Variants in RBFOX1 observed in about 807,000 individuals in gnomAD.
RBFOX1 encodes the protein RNA binding fox-1 homolog 1.
RBFOX1 carries 8 observed loss-of-function variants against 57.7 expected under a neutral mutation model. That is an observed-to-expected ratio of 0.14 (90% confidence interval 0.08 to 0.25). The LOEUF (loss-of-function observed/expected upper bound fraction) is 0.25, where lower values mean the gene tolerates loss of function less well. RBFOX1 is among the 10% of genes least tolerant of loss of function. RBFOX1 has a pLI of 1.00. For synonymous variants in RBFOX1, 326 were observed against 222.4 expected (o/e 1.47, Z -4.15); for missense variants, 611 against 548.5 (o/e 1.11, Z -1.14).
intron 4 of RBFOX1, among the ~76,000 whole-genome samples, chr16:7,263,606 G>C (rs2095010252): frequency 6.6e-6 from 1 of 151,978 alleles, no homozygotes; most frequent in Non-Finnish European, 1.5e-5. Context: ...GGTGATAAGA[G>C]GTAGAAAGAG....
intron 4 of RBFOX1, among the ~76,000 whole-genome samples, chr16:7,102,911 A>C (rs150199554): frequency 6.6e-6 from 1 of 152,148 alleles, no homozygotes. Flanking sequence ...TATTGTGAGT[A>C]TTGGAGTTTA....
rs530530777 is a variant in RBFOX1 at position 6,636,859 on chromosome 16, A to G, written c.-63-17744A>G. Among the ~76,000 whole-genome samples the G allele has an allele frequency of 4.2e-3, 495 of 117,840 alleles. 4 individuals carry two copies. Among genetic ancestry groups the G allele is most frequent in the African/African-American group, 0.015 (445 of 30,452 alleles). 77.3% of individuals were successfully genotyped at this position (117,840 alleles called of 152,430 possible). Reference sequence around the variant, plus strand: ...ATAATATATAATATATATAATATATAATATATATTATATGTTTAATATATT... The same window carrying G: ...ATAATATATAATATATATAATATATGATATATATTATATGTTTAATATATT... On this transcript the variant is annotated intron_variant, in intron 2 of 15. Coordinates refer to ENST00000550418, the MANE Select transcript of RBFOX1 (RefSeq NM_018723.4).
At chr16:7,004,064 C>T (rs1596637115) in intron 3 of RBFOX1, 1 of 151,496 alleles carries the variant, frequency 6.6e-6, no homozygotes, top group South Asian at 2.1e-4. Context: ...GCCATACCAC[C>T]TTCTCTGTAT....
chr16:7,054,831 T>C, intron 4 of RBFOX1, among the ~76,000 whole-genome samples: 1 of 152,220 alleles, frequency 6.6e-6, no homozygotes, highest in Non-Finnish European at 1.5e-5. Flanking sequence ...CATTAGTGCA[T>C]TCTGTTGTCA....
intron 4 of RBFOX1, among the ~76,000 whole-genome samples, chr16:7,122,764 T>A (rs1236729639): frequency 6.6e-6 from 1 of 152,144 alleles, no homozygotes; most frequent in Non-Finnish European, 1.5e-5. Context: ...CATGTACATG[T>A]CTGTGTATAG....
chr16:7,080,750 A>G (rs975708715), intron 4 of RBFOX1, among the ~76,000 whole-genome samples: 4 of 152,062 alleles, frequency 2.6e-5, no homozygotes, highest in Non-Finnish European at 5.9e-5. Context: ...AACCCTCTCC[A>G]TCTCTCCTCT....
intron 4 of RBFOX1, among the ~76,000 whole-genome samples, chr16:7,200,479 A>T (rs914208768): frequency 2.6e-5 from 4 of 152,226 alleles, no homozygotes; most frequent in Non-Finnish European, 4.4e-5. Flanking sequence ...CAGACACTGC[A>T]GTAGGCACTA....
chr16:5,952,986 G>A (rs1332675235), intron 4 of RBFOX1, among the ~76,000 whole-genome samples: 2 of 152,074 alleles, frequency 1.3e-5, no homozygotes, highest in Admixed American at 6.6e-5. Context: ...ATTATCACTA[G>A]GAAACTTTTG....
chr16:7,267,902 G>C (rs139202997), intron 4 of RBFOX1, among the ~76,000 whole-genome samples: 39 of 152,278 alleles, frequency 2.6e-4, no homozygotes, highest in African/African-American at 9.1e-4. Context: ...TGTTGAGTCA[G>C]AAGCACTTCA....
At chr16:6,173,981 C>T (rs951899668) in intron 1 of RBFOX1, among the ~76,000 whole-genome samples, 7 of 152,064 alleles carry the variant, frequency 4.6e-5, no homozygotes, top group African/African-American at 7.2e-5. Context: ...ACAGTGATCT[C>T]GAAACCTTGG....
intron 7 of RBFOX1, among the ~76,000 whole-genome samples, chr16:7,590,455 G>A (rs1184225854): frequency 1.3e-5 from 2 of 152,120 alleles, no homozygotes; most frequent in African/African-American, 4.8e-5. Flanking sequence ...AGGGGCGAAT[G>A]ATCCTGTAAT....
intron 3 of RBFOX1, among the ~76,000 whole-genome samples, chr16:5,817,249 T>G (rs931257515): frequency 6.2e-4 from 94 of 152,298 alleles, no homozygotes; most frequent in South Asian, 2.5e-3. Flanking sequence ...TTACGGTAAT[T>G]AAACACAGGT....
At chr16:7,107,952 C>T (rs1339155648) in intron 4 of RBFOX1, among the ~76,000 whole-genome samples, 1 of 150,510 alleles carries the variant, frequency 6.6e-6, no homozygotes, top group Non-Finnish European at 1.5e-5. Context: ...CTTTTCTTAT[C>T]TCCATTATTA....
chr16:6,510,375 C>T (rs2096228837), intron 2 of RBFOX1, among the ~76,000 whole-genome samples: 1 of 152,100 alleles, frequency 6.6e-6, no homozygotes, highest in African/African-American at 2.4e-5. Flanking sequence ...AAGCCAACTC[C>T]CAGTTTCCCG....
chr16:5,713,052 G>T (rs912628037), intron 3 of RBFOX1, among the ~76,000 whole-genome samples: 2 of 152,200 alleles, frequency 1.3e-5, no homozygotes, highest in African/African-American at 4.8e-5. Flanking sequence ...GGAAAAGTCT[G>T]TTGGGTAGGG....
intron 4 of RBFOX1, among the ~76,000 whole-genome samples, chr16:7,146,926 G>T (rs1022356157): frequency 6.9e-6 from 1 of 144,686 alleles, no homozygotes; most frequent in African/African-American, 2.6e-5. Context: ...TCCAGTCTGG[G>T]TGACAGAGTG....
intron 4 of RBFOX1, among the ~76,000 whole-genome samples, chr16:5,926,174 C>A: frequency 6.6e-6 from 1 of 152,174 alleles, no homozygotes; most frequent in East Asian, 1.9e-4. Context: ...ATGATGCATT[C>A]CTTTTAAATC....
At chr16:6,709,888 G>C (rs1406557329) in intron 3 of RBFOX1, among the ~76,000 whole-genome samples, 6 of 152,120 alleles carry the variant, frequency 3.9e-5, no homozygotes, top group Non-Finnish European at 7.4e-5. Flanking sequence ...ACGGCCGGGG[G>C]CTACTGGCCA....
At chr16:7,569,728 G>C (rs970857948) in intron 5 of RBFOX1, among the ~76,000 whole-genome samples, 2 of 152,188 alleles carry the variant, frequency 1.3e-5, no homozygotes, top group African/African-American at 4.8e-5. Context: ...GTGAGGCCAG[G>C]TGTGGTGGCT....
Sources: gnomAD v4.1 joint callset for allele counts (sites outside exome capture counted in the v4.1 genomes callset) on GRCh38, gnomAD v4.1.1 for gene constraint, MANE v1.5 for transcripts, NCBI Gene and HGNC (gene_info 2026-07-23, HGNC 2026-07-21) for gene names.